CFAP74: variants seen among roughly 807,000 people sequenced by gnomAD.
CFAP74 encodes cilia and flagella associated protein 74, also known as cilia- and flagella-associated protein 74.
A neutral mutation model predicts 188.9 loss-of-function variants in CFAP74; 124 were observed. The observed-to-expected ratio is 0.66, with a 90% confidence interval of 0.57 to 0.76. The LOEUF (loss-of-function observed/expected upper bound fraction) is 0.76, where lower values mean the gene tolerates loss of function less well. Among genes scored for constraint, CFAP74 ranks in the 30% least tolerant of loss-of-function variants. CFAP74 has a pLI of 0.00. For missense variants in CFAP74, 2,198 were observed against 2,165.2 expected (o/e 1.02, Z -0.30); for synonymous variants, 956 against 916.7 (o/e 1.04, Z -0.77).
chr1:1,935,614 AC>A (rs997645463), intron 25 of CFAP74, among the ~76,000 whole-genome samples: 1 of 151,692 alleles, frequency 6.6e-6, no homozygotes, highest in Non-Finnish European at 1.5e-5. Context: ...TGAAAGTGTG[AC>A]CCCTGGCATT....
chr1:1,946,281 A>G (rs1324035542), intron 20 of CFAP74, 36 bp downstream of exon 20: 1 of 1,511,458 alleles, frequency 6.6e-7, no homozygotes, highest in African/African-American at 1.4e-5. Flanking sequence ...GGCAGGGGCC[A>G]GGGTGTGTGC....
rs938866824 is a variant in CFAP74 at position 1,926,526 on chromosome 1, G to A, written c.3773-14C>T. The A allele has an allele frequency of 6.5e-5, 100 of 1,549,904 alleles. No individual in the cohort carries two copies. The highest frequency in any genetic ancestry group is 8.7e-5 in the Non-Finnish European group (100 of 1,146,830). ...TACTGCGGTGCCCTGAAATGGGGCA[G>A]GGAGCGTCAGGCCCCAGCCCCAGGC... On this transcript the variant is annotated splice_polypyrimidine_tract_variant and intron_variant, in intron 30 of 38. Transcript: ENST00000682832.
At chr1:1,963,370 G>T (rs905051241) in intron 14 of CFAP74, among the ~76,000 whole-genome samples, 1 of 134,402 alleles carries the variant, frequency 7.4e-6, no homozygotes, top group Admixed American at 8.5e-5. Flanking sequence ...AGAATCTCTT[G>T]AATCCAGGAG....
Position 1,960,015 on chromosome 1 carries a change from G to T in CFAP74, c.1710C>A (p.Gly570=). ...CACAGGACATTCCGGCTGACAGGGG[G>T]CCAGGGGGGTCAAAGCTGCAGGACG... The part of the protein sequence containing the change: ...DFIHVDFDPP[G]PLSAGMSCEV... The change falls in exon 15 of 39, where the codon GGC becomes GGA. Residue 570 remains glycine (G), a synonymous_variant. Transcript: ENST00000682832. 2 of 1,593,764 alleles carry T rather than the reference G, an allele frequency of 1.3e-6. No individual in the cohort carries two copies. Among genetic ancestry groups the T allele is most frequent in the Non-Finnish European group, 1.7e-6 (2 of 1,171,894 alleles).
In CFAP74 at chr1:2,003,401, T is replaced by A. The variant is rs570477545; in HGVS notation, c.-20+300A>T. On this transcript the variant is annotated intron_variant, in intron 1 of 38. Coordinates refer to ENST00000682832, the MANE Select transcript of CFAP74 (RefSeq NM_001304360.2). ...TTTTAGCTAGGCAGACACTCACGAG[T>A]CTTAACTGTTCACCAGACAGGCTGG... Among the ~76,000 whole-genome samples the A allele has an allele frequency of 3.3e-5, 5 of 152,106 alleles. No homozygotes were observed. The East Asian group carries it at 9.6e-4, about 29-fold the overall frequency.
intron 1 of CFAP74, among the ~76,000 whole-genome samples, chr1:1,993,851 G>A (rs190843391): frequency 0.1 from 15,735 of 150,652 alleles, 1,078 homozygotes; most frequent in East Asian, 0.29. Flanking sequence ...GCGTGGTGGC[G>A]GGCGCCTATA....
At chr1:1,976,062 C>T (rs1396767698) in intron 6 of CFAP74, among the ~76,000 whole-genome samples, 3 of 152,256 alleles carry the variant, frequency 2.0e-5, no homozygotes, top group Non-Finnish European at 4.4e-5. Flanking sequence ...AAGGCAGTGC[C>T]TGTCTGTGTC....
intron 25 of CFAP74, among the ~76,000 whole-genome samples, chr1:1,931,137 A>G (rs1652334186): frequency 6.6e-6 from 1 of 152,234 alleles, no homozygotes; most frequent in East Asian, 1.9e-4. Context: ...GCTTTAAAAA[A>G]TTCTTTAAAA....
At chr1:1,984,140 T>G (rs1016724429) in intron 6 of CFAP74, 1 of 152,140 alleles carries the variant, frequency 6.6e-6, no homozygotes, top group African/African-American at 2.4e-5. Context: ...ATTACAGGCA[T>G]GCACCACCAC....
At chr1:1,994,312 G>A (rs1657799761) in intron 1 of CFAP74, among the ~76,000 whole-genome samples, 1 of 151,886 alleles carries the variant, frequency 6.6e-6, no homozygotes. Flanking sequence ...TTGACATTAT[G>A]TATGAGATGC....
chr1:1,935,534 G>T (rs1453906905), intron 25 of CFAP74, among the ~76,000 whole-genome samples: 1 of 100,430 alleles, frequency 1.0e-5, no homozygotes, highest in South Asian at 4.0e-4. Context: ...ACACACGTGT[G>T]TACCTGTTAG....
At chr1:1,952,327 A>G (rs1395467178) in intron 18 of CFAP74, among the ~76,000 whole-genome samples, 2 of 151,724 alleles carry the variant, frequency 1.3e-5, no homozygotes, top group Non-Finnish European at 2.9e-5. Flanking sequence ...ATAAAGGAAG[A>G]GGATAAAAGG....
At chr1:1,928,635 A>G in intron 27 of CFAP74, 149 bp downstream of exon 27, 1 of 611,482 alleles carries the variant, frequency 1.6e-6, no homozygotes, top group South Asian at 2.0e-5. Context: ...TTAACCTCAG[A>G]TACAGCTCGA....
Position 1,922,142 on chromosome 1 carries a change from G to C in CFAP74, c.*145C>G. The C allele has an allele frequency of 3.2e-6, 2 of 619,370 alleles. No homozygotes were observed. 38.4% of individuals were successfully genotyped at this position (619,370 alleles called of 1,614,324 possible). On this transcript the variant is annotated 3_prime_UTR_variant, in exon 39 of 39. Transcript: ENST00000682832. Reference sequence around the variant, plus strand: ...GCGGGGTCCAGGGCAGCAGGAAGTGGCCGTGGCGCCATGTGGAGGGCGGCC... The same window carrying C: ...GCGGGGTCCAGGGCAGCAGGAAGTGCCCGTGGCGCCATGTGGAGGGCGGCC...
Position 1,999,070 on chromosome 1 carries a change from G to A in CFAP74, c.-20+4631C>T, listed in dbSNP as rs113260831. Among the ~76,000 whole-genome samples, 650 of 152,282 alleles carry A rather than the reference G, an allele frequency of 4.3e-3. 3 individuals carry two copies. The highest frequency in any genetic ancestry group is 7.0e-3 in the Non-Finnish European group (479 of 68,028). ...TGTCTACATGCAAGAGCAAGAGAAT[G>A]AGAAACTCGTCTGGTGAATTTTAAA... On this transcript the variant is annotated intron_variant, in intron 1 of 38. Coordinates refer to ENST00000682832, the MANE Select transcript of CFAP74 (RefSeq NM_001304360.2).
At position 1,940,957 on chromosome 1, in the gene CFAP74, C is replaced by A. The variant is rs369575495; in HGVS notation, c.2616-554G>T. On this transcript the variant is annotated intron_variant, in intron 22 of 38. Transcript: ENST00000682832. Reference sequence around the variant, plus strand: ...GAAACCCCATCTCTACTAAAAAATACAAAAAATTAGCCGGGCGTGGTGGCG... The same window carrying A: ...GAAACCCCATCTCTACTAAAAAATAAAAAAAATTAGCCGGGCGTGGTGGCG... Among the ~76,000 whole-genome samples, 29 of 151,904 alleles carry A rather than the reference C, an allele frequency of 1.9e-4. 2 individuals carry two copies. The highest frequency in any genetic ancestry group is 1.0e-3 in the Admixed American group (16 of 15,240).
intron 25 of CFAP74, among the ~76,000 whole-genome samples, chr1:1,934,120 C>T (rs925078402): frequency 6.6e-6 from 1 of 152,216 alleles, no homozygotes; most frequent in African/African-American, 2.4e-5. Flanking sequence ...CAAGTTTCAG[C>T]ACTCAAAGTC....
At position 1,923,013 on chromosome 1, in the gene CFAP74, A is replaced by G. The variant is rs541772330; in HGVS notation, c.4655T>C (p.Ile1552Thr). The G allele has an allele frequency of 4.6e-4, 733 of 1,597,184 alleles. 5 individuals carry two copies. The South Asian group carries it at 7.9e-3, about 17-fold the overall frequency. The change falls in exon 37 of 39, where the codon ATC becomes ACC. Residue 1552 changes from isoleucine to threonine, a missense_variant. Physicochemically the swap from Ile to Thr is moderately conservative, Grantham distance 89 (BLOSUM62 -1). Transcript: ENST00000682832. The surrounding 1 kb of genome is among the most constrained non-coding windows in gnomAD (Gnocchi z 6.3). ...PATRELQVGC[I>T]RTTQPSPKKT... ...CTTTGGAGATGGCTGGGTGGTCCGGATACAGCCCACCTGCAGCTCTCGGGT... is the reference window on the plus strand; with the variant it reads ...CTTTGGAGATGGCTGGGTGGTCCGGGTACAGCCCACCTGCAGCTCTCGGGT...
intron 18 of CFAP74, chr1:1,954,671 C>T (rs983313455): frequency 1.8e-5 from 6 of 328,352 alleles, no homozygotes; most frequent in African/African-American, 6.8e-5. Flanking sequence ...GTAGTTCCAG[C>T]TACTCAGGAG....
Sources: gnomAD v4.1 joint callset for allele counts (sites outside exome capture counted in the v4.1 genomes callset) on GRCh38, gnomAD v4.1.1 for gene constraint, Gnocchi (gnomAD v3.1) non-coding constraint, MANE v1.5 for transcripts, NCBI Gene and HGNC (gene_info 2026-07-23, HGNC 2026-07-21) for gene names.